Variants in PPM1L observed in about 807,000 individuals in gnomAD.
PPM1L encodes the protein protein phosphatase, Mg2+/Mn2+ dependent 1L, also known as protein phosphatase 1L.
Under a neutral mutation model 31.4 loss-of-function variants are expected in PPM1L, and 13 were observed. The ratio of observed to expected loss-of-function variants is 0.41; its 90% CI spans 0.27 to 0.66. The LOEUF is 0.66. Ranked by LOEUF, PPM1L falls within the 30% of genes least tolerant of loss-of-function variation. PPM1L has a pLI of 0.29. For missense variants in PPM1L, 326 were observed against 453.7 expected (o/e 0.72, Z 2.56); for synonymous variants, 184 against 175.4 (o/e 1.05, Z -0.39).
intron 1 of PPM1L, among the ~76,000 whole-genome samples, chr3:160,947,889 T>C (rs901816896): frequency 1.3e-5 from 2 of 152,176 alleles, no homozygotes; most frequent in African/African-American, 4.8e-5. Flanking sequence ...TAAAAAATAT[T>C]ATTTCCATAA....
intron 1 of PPM1L, among the ~76,000 whole-genome samples, chr3:160,769,784 A>G (rs1715201491): frequency 1.3e-5 from 2 of 152,058 alleles, no homozygotes; most frequent in African/African-American, 4.8e-5. Context: ...TTCTTTAATT[A>G]TTAGATATTG....
chr3:160,788,705 T>C (rs1298529621), intron 1 of PPM1L, among the ~76,000 whole-genome samples: 2 of 152,084 alleles, frequency 1.3e-5, no homozygotes, highest in African/African-American at 4.8e-5. Flanking sequence ...GGATTCATTA[T>C]TTTTACCTTT....
chr3:161,045,244 A>G (rs1190740610), intron 2 of PPM1L, among the ~76,000 whole-genome samples: 1 of 152,200 alleles, frequency 6.6e-6, no homozygotes, highest in African/African-American at 2.4e-5. Flanking sequence ...ATATCCAGGA[A>G]TTGAACTCAG....
chr3:161,046,833 A>G (rs1283714135), intron 2 of PPM1L, among the ~76,000 whole-genome samples: 1 of 152,228 alleles, frequency 6.6e-6, no homozygotes, highest in Non-Finnish European at 1.5e-5. Context: ...AACCAAAAAC[A>G]AAAACCACAT....
intron 1 of PPM1L, among the ~76,000 whole-genome samples, chr3:160,774,492 T>C (rs1484898303): frequency 6.6e-6 from 1 of 152,180 alleles, no homozygotes; most frequent in Non-Finnish European, 1.5e-5. Context: ...ATATTGTTTC[T>C]TTTTTTAAAA....
chr3:161,031,334 A>G (rs1349897175), intron 2 of PPM1L, among the ~76,000 whole-genome samples: 2 of 152,214 alleles, frequency 1.3e-5, no homozygotes, highest in Non-Finnish European at 2.9e-5. Context: ...ACAACTATGT[A>G]CCAGGATGCA....
intron 2 of PPM1L, among the ~76,000 whole-genome samples, chr3:161,063,430 AG>A (rs1169964843): frequency 6.6e-6 from 1 of 152,228 alleles, no homozygotes; most frequent in Non-Finnish European, 1.5e-5. Flanking sequence ...AATAAGCTTA[AG>A]AATGGAATTT....
chr3:160,860,580 C>T (rs1336275007), intron 1 of PPM1L, among the ~76,000 whole-genome samples: 1 of 152,184 alleles, frequency 6.6e-6, no homozygotes, highest in East Asian at 1.9e-4. Context: ...AGGATTAGCA[C>T]TTAGACAGTG....
At chr3:160,793,218 T>TAAAGAGATTTTGATAG (rs1712152708) in intron 1 of PPM1L, among the ~76,000 whole-genome samples, 3 of 152,144 alleles carry the variant, frequency 2.0e-5, no homozygotes, top group Non-Finnish European at 4.4e-5. Flanking sequence ...TCCTTGAGAA[T>TAAAGAGATTTTGATAG]GTAGTAAGAT....
chr3:160,892,456 C>G (rs1713188843), intron 1 of PPM1L, among the ~76,000 whole-genome samples: 1 of 152,184 alleles, frequency 6.6e-6, no homozygotes, highest in Non-Finnish European at 1.5e-5. Flanking sequence ...GGCCCTACCT[C>G]CAACACTGGG....
intron 1 of PPM1L, among the ~76,000 whole-genome samples, chr3:160,867,483 T>G (rs1446530721): frequency 6.6e-6 from 1 of 152,126 alleles, no homozygotes; most frequent in Non-Finnish European, 1.5e-5. Flanking sequence ...ATTTTATTAG[T>G]TATAAGTAAC....
intron 1 of PPM1L, among the ~76,000 whole-genome samples, chr3:160,885,805 C>T (rs575268690): frequency 2.0e-5 from 3 of 152,356 alleles, no homozygotes; most frequent in Admixed American, 1.3e-4. Context: ...AGCCTCTCAG[C>T]TGCAATCTGC....
intron 2 of PPM1L, among the ~76,000 whole-genome samples, chr3:160,970,507 T>C (rs1716295511): frequency 6.8e-6 from 1 of 147,754 alleles, no homozygotes; most frequent in Non-Finnish European, 1.5e-5. Flanking sequence ...TGGAGTGCAG[T>C]GGCGCAATCT....
rs1474708740 is a variant in PPM1L at position 160,861,658 on chromosome 3, A to G, written c.400-100078A>G. Reference sequence around the variant, plus strand: ...ATGGTATTAATTTCCTACTGCTGCTATAAATTACAAAAAAAAATCTAGTGG... The same window carrying G: ...ATGGTATTAATTTCCTACTGCTGCTGTAAATTACAAAAAAAAATCTAGTGG... On this transcript the variant is annotated intron_variant, in intron 1 of 3. Coordinates refer to ENST00000498165, the MANE Select transcript of PPM1L (RefSeq NM_139245.4). 2.0e-5 allele frequency among the ~76,000 whole-genome samples: 3 copies of G among 152,176 alleles called. No homozygotes were observed. In the East Asian group the frequency reaches 5.8e-4, roughly 29 times the overall value.
chr3:160,921,891 G>A (rs1001283477), intron 1 of PPM1L, among the ~76,000 whole-genome samples: 1 of 152,166 alleles, frequency 6.6e-6, no homozygotes, highest in African/African-American at 2.4e-5. Context: ...ACCTAGAGTT[G>A]CAGAGACCCA....
At chr3:160,909,226 G>T (rs1419846356) in intron 1 of PPM1L, among the ~76,000 whole-genome samples, 1 of 152,180 alleles carries the variant, frequency 6.6e-6, no homozygotes, top group Non-Finnish European at 1.5e-5. Flanking sequence ...TAGGAGGAAT[G>T]AGGAGGAATT....
intron 1 of PPM1L, among the ~76,000 whole-genome samples, chr3:160,797,316 A>G (rs1712277229): frequency 6.6e-6 from 1 of 152,158 alleles, no homozygotes; most frequent in African/African-American, 2.4e-5. Flanking sequence ...AAGACAATGA[A>G]CTTAGTAAAT....
At chr3:160,773,763 A>G (rs2108062395) in intron 1 of PPM1L, among the ~76,000 whole-genome samples, 1 of 152,212 alleles carries the variant, frequency 6.6e-6, no homozygotes, top group South Asian at 2.1e-4. Flanking sequence ...TAGGAGCCTC[A>G]TACTTGTCAT....
intron 1 of PPM1L, among the ~76,000 whole-genome samples, chr3:160,816,157 C>A (rs1316464138): frequency 6.6e-6 from 1 of 151,960 alleles, no homozygotes; most frequent in Non-Finnish European, 1.5e-5. Context: ...TTCAATTAAA[C>A]TGATTCTTCT....
Sources: gnomAD v4.1 joint callset for allele counts (sites outside exome capture counted in the v4.1 genomes callset) on GRCh38, gnomAD v4.1.1 for gene constraint, MANE v1.5 for transcripts, NCBI Gene and HGNC (gene_info 2026-07-23, HGNC 2026-07-21) for gene names.